Variants in LANCL1 observed in about 807,000 individuals in gnomAD.
LANCL1 encodes LanC like glutathione S-transferase 1, also known as glutathione S-transferase LANCL1.
LANCL1 carries 50 observed loss-of-function variants against 50.6 expected under a neutral mutation model. That is an observed-to-expected ratio of 0.99 (90% CI 0.79 to 1.25). The LOEUF (loss-of-function observed/expected upper bound fraction) is 1.25. Ranked by LOEUF, LANCL1 falls within the 50% of genes most tolerant of loss-of-function variation. The pLI is 0.00. For missense variants in LANCL1, 532 were observed against 480.7 expected, an observed-to-expected ratio of 1.11 and a Z score of -1.00; for synonymous variants, 188 against 178.6, an observed-to-expected ratio of 1.05 and a Z score of -0.42.
intron 6 of LANCL1, among the ~76,000 whole-genome samples, chr2:210,438,486 A>G (rs1265267314): frequency 1.3e-5 from 2 of 152,176 alleles, no homozygotes; most frequent in African/African-American, 4.8e-5. Flanking sequence ...ACATATAAAT[A>G]ATTTTCCTAA....
chr2:210,474,625 C>T (rs1334239735), intron 2 of LANCL1, among the ~76,000 whole-genome samples: 1 of 151,348 alleles, frequency 6.6e-6, no homozygotes, highest in African/African-American at 2.4e-5. Flanking sequence ...ACTCAGGAGG[C>T]TGGGGCATGA....
chr2:210,461,287 C>T (rs1182052029), intron 3 of LANCL1, among the ~76,000 whole-genome samples: 1 of 152,060 alleles, frequency 6.6e-6, no homozygotes, highest in Non-Finnish European at 1.5e-5. Context: ...GCTCTTTCTA[C>T]TTGTCCTAAC....
chr2:210,467,707 T>A (rs1694108339), intron 3 of LANCL1, among the ~76,000 whole-genome samples: 1 of 152,224 alleles, frequency 6.6e-6, no homozygotes, highest in Non-Finnish European at 1.5e-5. Context: ...GCATGTGCCC[T>A]TAAACTGCAC....
At chr2:210,472,804 G>A (rs868533634) in intron 2 of LANCL1, among the ~76,000 whole-genome samples, 4 of 152,310 alleles carry the variant, frequency 2.6e-5, no homozygotes, top group Middle Eastern at 6.8e-3. Context: ...GGTACTTTGG[G>A]GATTAAATGA....
At chr2:210,445,331 T>A (rs1304257182) in intron 4 of LANCL1, among the ~76,000 whole-genome samples, 1 of 152,316 alleles carries the variant, frequency 6.6e-6, no homozygotes, top group African/African-American at 2.4e-5. Context: ...AATATATAAT[T>A]AGCATTCCAT....
chr2:210,453,745 T>C (rs1361751274), intron 4 of LANCL1, among the ~76,000 whole-genome samples: 1 of 152,116 alleles, frequency 6.6e-6, no homozygotes, highest in Non-Finnish European at 1.5e-5. Context: ...AATTAAAAGG[T>C]AGTCTCTGTG....
intron 2 of LANCL1, among the ~76,000 whole-genome samples, chr2:210,474,954 C>G (rs1177971995): frequency 2.6e-5 from 4 of 152,076 alleles, no homozygotes; most frequent in Non-Finnish European, 5.9e-5. Flanking sequence ...AATGCAGGCC[C>G]AAATGGCCAA....
At chr2:210,444,544 T>C (rs1409560545) in intron 4 of LANCL1, among the ~76,000 whole-genome samples, 3 of 152,218 alleles carry the variant, frequency 2.0e-5, no homozygotes, top group Admixed American at 1.3e-4. Flanking sequence ...TAGTTGCAGT[T>C]AGTGAAACAG....
chr2:210,451,234 A>C (rs992792052), intron 4 of LANCL1, among the ~76,000 whole-genome samples: 2 of 152,170 alleles, frequency 1.3e-5, no homozygotes, highest in Non-Finnish European at 2.9e-5. Flanking sequence ...CAAGAACAGA[A>C]AACCAAACAC....
Position 210,434,510 on chromosome 2 carries a change from T to C in LANCL1, c.1177A>G (p.Arg393Gly). ...TTTCAGAGTTCAAATGCAGGGAACC[T>C]GGCTTTTGTGGGGACTAGCAGGTCA... is the stretch of plus-strand genomic sequence containing the variant. Reference protein sequence around the residue: ...LADLLVPTKARFPAFEL With the variant: ...LADLLVPTKAGFPAFEL The change falls in exon 10 of 10, where the codon AGG becomes GGG. Residue 393 changes from arginine to glycine, a missense_variant. Coordinates refer to ENST00000450366, the MANE Select transcript of LANCL1 (RefSeq NM_006055.3). 1 of 1,613,426 alleles carries C rather than the reference T, an allele frequency of 6.2e-7. No individual in the cohort carries two copies. The highest frequency in any genetic ancestry group is 8.5e-7 in the Non-Finnish European group (1 of 1,179,660).
chr2:210,455,650 G>A (rs2042049), intron 3 of LANCL1, among the ~76,000 whole-genome samples: 4 of 151,900 alleles, frequency 2.6e-5, no homozygotes, highest in Admixed American at 6.6e-5. Flanking sequence ...TCTTGATGTC[G>A]AAATGATGTG....
At chr2:210,435,500 C>T in intron 8 of LANCL1, 41 bp from the exon 9 acceptor site, 1 of 1,477,648 alleles carries the variant, frequency 6.8e-7, no homozygotes, top group South Asian at 1.1e-5. Flanking sequence ...GTGATTTCTT[C>T]CAGAGACAAC....
At position 210,461,586 on chromosome 2, in the gene LANCL1, A is replaced by T. The variant is rs1318678044; in HGVS notation, c.200-6272T>A. ...TGACTTGCATTTAGAGTGCAAGTTA[A>T]TATTACTCTAGGGATTATGCTACAT... On this transcript the variant is annotated intron_variant, in intron 3 of 9. Transcript: ENST00000450366. 3.3e-5 allele frequency among the ~76,000 whole-genome samples: 5 copies of T among 152,316 alleles called. No homozygotes were observed. The South Asian group carries it at 1.0e-3, about 32-fold the overall frequency.
At chr2:210,477,454 T>C, upstream of LANCL1, 2 of 1,139,232 alleles carry the variant, frequency 1.8e-6, no homozygotes, top group Non-Finnish European at 2.2e-6. Flanking sequence ...TCCCACCTGG[T>C]ACATATTAGG....
intron 7 of LANCL1, 43 bp from the exon 8 acceptor site, chr2:210,436,435 G>C (rs1164616186): frequency 1.3e-6 from 2 of 1,568,394 alleles, no homozygotes; most frequent in South Asian, 1.1e-5. Context: ...GGATATAAAA[G>C]AAAGTTCCAT....
In LANCL1 at chr2:210,457,568, A is replaced by C. The variant is rs1693709131; in HGVS notation, c.200-2254T>G. Reference sequence around the variant, plus strand: ...GGGCCTGGCTTCAGTCAATGCCTAGAAATGCCTTCAAATGCAATGTTTATC... The same window carrying C: ...GGGCCTGGCTTCAGTCAATGCCTAGCAATGCCTTCAAATGCAATGTTTATC... On this transcript the variant is annotated intron_variant, in intron 3 of 9. Transcript: ENST00000450366. Among the ~76,000 whole-genome samples, 3 of 152,186 alleles carry C rather than the reference A, an allele frequency of 2.0e-5. No homozygotes were observed. In the South Asian group the frequency reaches 6.2e-4, roughly 32 times the overall value.
chr2:210,440,489 G>A (rs1693093131), intron 6 of LANCL1, 109 bp downstream of exon 6: 1 of 1,021,100 alleles, frequency 9.8e-7, no homozygotes, highest in Non-Finnish European at 1.4e-6. Flanking sequence ...GTACTGTAAT[G>A]CAGTGGTTGA....
intron 7 of LANCL1, 35 bp from the exon 8 acceptor site, chr2:210,436,427 A>T (rs1692936863): frequency 1.9e-6 from 3 of 1,588,982 alleles, no homozygotes; most frequent in Non-Finnish European, 2.6e-6. Flanking sequence ...ATTATACGGG[A>T]TATAAAAGAA....
At chr2:210,440,934 G>A (rs2287433) in intron 5 of LANCL1, among the ~76,000 whole-genome samples, 190 bp from the exon 6 acceptor site, 92,356 of 152,036 alleles carry the variant, frequency 0.61, 28,675 homozygotes, top group East Asian at 0.83. Flanking sequence ...AGAAGGGGGA[G>A]GGCGTAGAGG....
Sources: gnomAD v4.1 joint callset for allele counts (sites outside exome capture counted in the v4.1 genomes callset) on GRCh38, gnomAD v4.1.1 for gene constraint, MANE v1.5 for transcripts, NCBI Gene and HGNC (gene_info 2026-07-23, HGNC 2026-07-21) for gene names.